The following STPG2 variants were observed in gnomAD, a reference collection of about 807,000 sequenced individuals.
The protein encoded by STPG2 is sperm-tail PG-rich repeat-containing protein 2.
Under a neutral mutation model 54.2 loss-of-function variants are expected in STPG2, and 56 were observed. The observed-to-expected ratio is 1.03, with a 90% CI of 0.83 to 1.29. STPG2 has a LOEUF of 1.29. Ranked by LOEUF, STPG2 falls within the 50% of genes most tolerant of loss-of-function variation. STPG2 has a pLI of 0.00. For synonymous variants in STPG2, 200 were observed against 181.8 expected, an observed-to-expected ratio of 1.10 and a Z score of -0.81; for missense variants, 596 against 544.9, an observed-to-expected ratio of 1.09 and a Z score of -0.93.
intron 4 of STPG2, among the ~76,000 whole-genome samples, chr4:97,522,730 C>A (rs1731207701): frequency 6.6e-6 from 1 of 151,762 alleles, no homozygotes; most frequent in Non-Finnish European, 1.5e-5. Flanking sequence ...TACATATGGA[C>A]AAGGAAAAGG....
intron 10 of STPG2, among the ~76,000 whole-genome samples, chr4:97,593,333 G>C (rs1733194199): frequency 6.6e-6 from 1 of 152,090 alleles, no homozygotes. Context: ...CAGTGTACAT[G>C]GGCAGACGTC....
intron 8 of STPG2, among the ~76,000 whole-genome samples, chr4:97,885,221 G>A (rs1730518860): frequency 6.6e-6 from 1 of 152,160 alleles, no homozygotes; most frequent in African/African-American, 2.4e-5. Flanking sequence ...TGAAACCCTG[G>A]AGTTGGTGAA....
rs753004489 is a variant in STPG2 at position 97,972,460 on chromosome 4, C to CA, written c.773-21dup. ...CAGGACCTAAAATTATTAGAAGTAT[C>CA]ATATATAAGAATAAGCATGCTTTTA... is the stretch of plus-strand genomic sequence containing the variant. On this transcript the variant is annotated intron_variant, in intron 6 of 10. Coordinates refer to ENST00000295268, the MANE Select transcript of STPG2 (RefSeq NM_174952.3). The CA allele has an allele frequency of 8.5e-5, 118 of 1,389,250 alleles. 1 individual carries two copies. The African/African-American group carries it at 1.6e-3, about 19-fold the overall frequency. The allele number at this position is 1,389,250 out of a possible 1,614,324, so 86.1% of individuals were successfully genotyped here.
chr4:97,500,262 T>C (rs1380122120), intron 4 of STPG2, among the ~76,000 whole-genome samples: 3 of 152,042 alleles, frequency 2.0e-5, no homozygotes, highest in Non-Finnish European at 2.9e-5. Flanking sequence ...GTCAAGTATG[T>C]CTGCAAAATT....
At chr4:97,549,616 C>G (rs1731920791) in intron 4 of STPG2, among the ~76,000 whole-genome samples, 1 of 152,076 alleles carries the variant, frequency 6.6e-6, no homozygotes. Flanking sequence ...GTGAGCATTT[C>G]AAGAAGAAAT....
chr4:97,956,919 C>A (rs1733694181), intron 7 of STPG2, among the ~76,000 whole-genome samples: 1 of 152,002 alleles, frequency 6.6e-6, no homozygotes, highest in African/African-American at 2.4e-5. Context: ...AAATAAGGTT[C>A]ATTAACATCC....
At chr4:97,965,122 G>A (rs901732202) in intron 7 of STPG2, among the ~76,000 whole-genome samples, 3 of 152,156 alleles carry the variant, frequency 2.0e-5, no homozygotes. Context: ...CTGGAAAATT[G>A]TTTCACTCCA....
At chr4:97,899,442 T>A (rs1309456254) in intron 8 of STPG2, among the ~76,000 whole-genome samples, 1 of 151,942 alleles carries the variant, frequency 6.6e-6, no homozygotes, top group Non-Finnish European at 1.5e-5. Context: ...AAACTACCAA[T>A]GATTTTCTTC....
chr4:97,619,854 C>G (rs539815469), intron 10 of STPG2, among the ~76,000 whole-genome samples: 1 of 145,990 alleles, frequency 6.8e-6, no homozygotes, highest in Non-Finnish European at 1.5e-5. Flanking sequence ...GACAGAGTCT[C>G]GCTCTCTCTC....
At chr4:97,630,182 T>C (rs568248296) in intron 10 of STPG2, among the ~76,000 whole-genome samples, 2 of 151,892 alleles carry the variant, frequency 1.3e-5, no homozygotes, top group Non-Finnish European at 2.9e-5. Context: ...AATTTTGCTG[T>C]GGAACTACAA....
intron 4 of STPG2, among the ~76,000 whole-genome samples, chr4:97,493,021 C>T (rs1485717512): frequency 1.3e-5 from 2 of 149,902 alleles, no homozygotes; most frequent in African/African-American, 4.9e-5. Context: ...GATTTCTGAT[C>T]CCAGGCCTTA....
chr4:98,143,247 G>A lies in STPG2; in HGVS notation c.-97C>T, dbSNP rs1740355473. The A allele has an allele frequency of 3.3e-5, 29 of 869,934 alleles. 1 individual carries two copies. In the South Asian group the frequency reaches 4.9e-4, roughly 15 times the overall value. The allele number at this position is 869,934 out of a possible 1,614,324, so 53.9% of individuals were successfully genotyped here. A position where few individuals can be genotyped will look rare whatever the true frequency, so the allele number is the denominator to read the frequency against. On this transcript the variant is annotated 5_prime_UTR_variant, in exon 1 of 11. Coordinates refer to ENST00000295268, the MANE Select transcript of STPG2 (RefSeq NM_174952.3). ...GTGGAGAAAAAGGAAGCCGACACCA[G>A]TCTGAGGAGGCCGGGAAAGAACTTC...
chr4:97,618,308 G>T (rs747159292), intron 10 of STPG2, among the ~76,000 whole-genome samples: 23 of 152,084 alleles, frequency 1.5e-4, no homozygotes, highest in Non-Finnish European at 2.6e-4. Context: ...TCATGAAAGT[G>T]ATCCTTCTTG....
intron 4 of STPG2, among the ~76,000 whole-genome samples, chr4:97,490,719 A>C (rs1430036479): frequency 6.6e-6 from 1 of 151,646 alleles, no homozygotes; most frequent in African/African-American, 2.4e-5. Flanking sequence ...GAAAACTAAC[A>C]TGCCAATTTC....
intron 4 of STPG2, among the ~76,000 whole-genome samples, chr4:97,545,040 T>G (rs2148864203): frequency 6.6e-6 from 1 of 152,220 alleles, no homozygotes; most frequent in South Asian, 2.1e-4. Context: ...ATAAGATTAT[T>G]GTCAAAAATT....
intron 8 of STPG2, among the ~76,000 whole-genome samples, chr4:97,847,423 T>A (rs1011813424): frequency 6.6e-6 from 1 of 152,122 alleles, no homozygotes; most frequent in Non-Finnish European, 1.5e-5. Context: ...TTGTAAGTAG[T>A]ATGTAAAAAT....
At chr4:97,971,981 C>G (rs192000991) in intron 7 of STPG2, among the ~76,000 whole-genome samples, 295 of 152,126 alleles carry the variant, frequency 1.9e-3, no homozygotes, top group African/African-American at 6.7e-3. Context: ...CTTTGTGCTA[C>G]GTGGTTTAAA....
intron 5 of STPG2, among the ~76,000 whole-genome samples, chr4:98,053,737 CT>C (rs1224628609): frequency 6.6e-6 from 1 of 152,004 alleles, no homozygotes; most frequent in Non-Finnish European, 1.5e-5. Flanking sequence ...TAACTGGTTT[CT>C]TTTGGCAACA....
chr4:98,132,175 C>T (rs1039966003), intron 2 of STPG2, among the ~76,000 whole-genome samples: 3 of 151,818 alleles, frequency 2.0e-5, no homozygotes, highest in Non-Finnish European at 2.9e-5. Context: ...ATAGGTAAAC[C>T]ACTCAGGTAG....
Sources: gnomAD v4.1 joint callset for allele counts (sites outside exome capture counted in the v4.1 genomes callset) on GRCh38, gnomAD v4.1.1 for gene constraint, MANE v1.5 for transcripts, NCBI Gene and HGNC (gene_info 2026-07-23, HGNC 2026-07-21) for gene names.